AK8: variants seen among roughly 807,000 people sequenced by gnomAD.
AK8 encodes adenylate kinase 8.
Under a neutral mutation model 54.6 loss-of-function variants are expected in AK8, and 44 were observed. That is an observed-to-expected ratio of 0.81 (90% CI 0.63 to 1.04). The LOEUF is 1.04. AK8 is among the 50% of genes least tolerant of loss of function. AK8 has a pLI of 0.00. For synonymous variants in AK8, 239 were observed against 245.6 expected (o/e 0.97, Z 0.25); for missense variants, 555 against 613.6 (o/e 0.90, Z 1.01).
In AK8 at chr9:132,873,383, G is replaced by A. The variant is rs1015039065; in HGVS notation, c.169+1732C>T. 3.9e-5 allele frequency among the ~76,000 whole-genome samples: 6 copies of A among 152,128 alleles called. No individual in the cohort carries two copies. In the South Asian group the frequency reaches 6.2e-4, roughly 16 times the overall value. Reference sequence around the variant, plus strand: ...GCCAAAGAGAGCCACGATCTCTCACGTCTCTACATTTTAAGATGAGTGAGC... The same window carrying A: ...GCCAAAGAGAGCCACGATCTCTCACATCTCTACATTTTAAGATGAGTGAGC... On this transcript the variant is annotated intron_variant, in intron 2 of 12. Transcript: ENST00000298545.
chr9:132,815,325 G>A lies in AK8; in HGVS notation c.890-598C>T, dbSNP rs139565134. ...GTAATCCCAGCTTTTTGGCTGAGGC[G>A]GGCAGATCACTTAAGATCAGGAGTT... On this transcript the variant is annotated intron_variant, in intron 9 of 12. Coordinates refer to ENST00000298545, the MANE Select transcript of AK8 (RefSeq NM_152572.3). Among the ~76,000 whole-genome samples the A allele has an allele frequency of 4.2e-3, 640 of 152,258 alleles. 8 individuals are homozygous for A. The highest frequency in any genetic ancestry group is 0.014 in the African/African-American group (587 of 41,548).
At chr9:132,868,440 C>T (rs530781523) in intron 2 of AK8, among the ~76,000 whole-genome samples, 65 of 152,318 alleles carry the variant, frequency 4.3e-4, no homozygotes, top group African/African-American at 1.0e-3. Context: ...GTTCCCTCCA[C>T]GTTCCTGCCT....
At chr9:132,746,323 C>T (rs1837652269) in intron 11 of AK8, among the ~76,000 whole-genome samples, 1 of 152,190 alleles carries the variant, frequency 6.6e-6, no homozygotes, top group Admixed American at 6.5e-5. Context: ...TTTACTCCCA[C>T]TTTTGCGAGT....
At position 132,857,690 on chromosome 9, in the gene AK8, G is replaced by C. The variant is rs1481912410; in HGVS notation, c.334-2765C>G. Among the ~76,000 whole-genome samples, 3 of 152,320 alleles carry C rather than the reference G, an allele frequency of 2.0e-5. No homozygotes were observed. In the East Asian group the frequency reaches 5.8e-4, roughly 29 times the overall value. Reference sequence around the variant, plus strand: ...AGTGTTCAAACAGGTACAGGATGCAGAGAAGGGTGCCAACCAGGACGCAGG... The same window carrying C: ...AGTGTTCAAACAGGTACAGGATGCACAGAAGGGTGCCAACCAGGACGCAGG... On this transcript the variant is annotated intron_variant, in intron 4 of 12. Transcript: ENST00000298545.
chr9:132,856,455 T>C (rs2131390040), intron 4 of AK8, among the ~76,000 whole-genome samples: 1 of 152,262 alleles, frequency 6.6e-6, no homozygotes, highest in Middle Eastern at 3.4e-3. Context: ...TAATTTTCCA[T>C]ACACTCCACT....
At chr9:132,877,125 G>A (rs775206530) in intron 1 of AK8, among the ~76,000 whole-genome samples, 3 of 152,168 alleles carry the variant, frequency 2.0e-5, no homozygotes, top group African/African-American at 7.2e-5. Context: ...AAACACACCA[G>A]GTTCTCTAGA....
rs866212631 is a variant in AK8, at chr9:132,878,250, G to A, written c.6C>T (p.Asp2=). ...GGATACGGTGCGGGGCGATAGTGGC[G>A]TCCATGTAGCCGTCTCGGCTCGCCG... M[D]ATIAPHRIPP... Residue 2 remains aspartate, a synonymous_variant, in exon 1 of 13, where the codon GAC becomes GAT. Coordinates refer to ENST00000298545, the MANE Select transcript of AK8 (RefSeq NM_152572.3). This position sits in a 1 kb window ranked among gnomAD's most constrained non-coding sequence, Gnocchi z 4.7. The A allele has an allele frequency of 3.6e-6, 5 of 1,389,820 alleles. No homozygotes were observed. The Middle Eastern group carries it at 8.2e-4, about 227-fold the overall frequency. 86.1% of individuals were successfully genotyped at this position (1,389,820 alleles called of 1,614,324 possible).
chr9:132,841,452 A>C (rs1026050734), intron 5 of AK8, among the ~76,000 whole-genome samples: 1 of 152,218 alleles, frequency 6.6e-6, no homozygotes, highest in African/African-American at 2.4e-5. Flanking sequence ...ACATGAAAAC[A>C]TTTCTTTTTT....
chr9:132,742,208 T>C (rs1470635867), intron 11 of AK8, among the ~76,000 whole-genome samples: 1 of 151,332 alleles, frequency 6.6e-6, no homozygotes, highest in East Asian at 1.9e-4. Context: ...AGAGTCTCAT[T>C]CTGTTGCTCA....
intron 11 of AK8, among the ~76,000 whole-genome samples, chr9:132,775,572 G>C (rs1839176770): frequency 6.6e-6 from 1 of 152,146 alleles, no homozygotes; most frequent in Non-Finnish European, 1.5e-5. Context: ...GCCTCCCAAA[G>C]TGCTGGGATT....
At chr9:132,835,879 T>C (rs1842303924) in intron 5 of AK8, among the ~76,000 whole-genome samples, 1 of 152,036 alleles carries the variant, frequency 6.6e-6, no homozygotes, top group Non-Finnish European at 1.5e-5. Flanking sequence ...ATCCCAGCAC[T>C]TTGGGAGGCC....
chr9:132,877,854 TG>T, intron 1 of AK8: 1 of 607,136 alleles, frequency 1.6e-6, no homozygotes, highest in East Asian at 3.6e-5. Context: ...ATTTCACAGG[TG>T]GGGAAACCGA....
At chr9:132,842,736 C>T (rs73549185) in intron 5 of AK8, among the ~76,000 whole-genome samples, 205 of 152,332 alleles carry the variant, frequency 1.3e-3, no homozygotes, top group African/African-American at 3.7e-3. Flanking sequence ...AGGTGTTGAC[C>T]AGGCTGTGTT....
intron 10 of AK8, among the ~76,000 whole-genome samples, chr9:132,812,403 T>C (rs1025971285): frequency 6.6e-6 from 1 of 151,188 alleles, no homozygotes; most frequent in Non-Finnish European, 1.5e-5. Flanking sequence ...GCTAATTTTT[T>C]TTTTTTTGTA....
At chr9:132,844,898 A>G (rs1842688557) in intron 5 of AK8, among the ~76,000 whole-genome samples, 2 of 152,244 alleles carry the variant, frequency 1.3e-5, no homozygotes, top group African/African-American at 4.8e-5. Context: ...CTTTGAAACA[A>G]GAACAGTGGC....
chr9:132,728,719 C>A (rs1836688938), intron 11 of AK8, among the ~76,000 whole-genome samples: 1 of 152,006 alleles, frequency 6.6e-6, no homozygotes, highest in African/African-American at 2.4e-5. Context: ...GAGCCCTGGA[C>A]CCAAAGGAGC....
At chr9:132,746,958 T>C (rs972991723) in intron 11 of AK8, among the ~76,000 whole-genome samples, 15 of 152,230 alleles carry the variant, frequency 9.9e-5, no homozygotes, top group Admixed American at 6.5e-5. Context: ...CAAACTATCA[T>C]TCATCAAATA....
At chr9:132,823,509 G>A (rs764243282) in intron 8 of AK8, among the ~76,000 whole-genome samples, 173 bp from the exon 9 acceptor site, 5 of 152,194 alleles carry the variant, frequency 3.3e-5, no homozygotes, top group African/African-American at 4.8e-5. Context: ...TACGTGGCAG[G>A]CCTGGGCACC....
chr9:132,741,938 A>T (rs983908844), intron 11 of AK8, among the ~76,000 whole-genome samples: 3 of 152,162 alleles, frequency 2.0e-5, no homozygotes, highest in African/African-American at 4.8e-5. Context: ...GGACTTCACA[A>T]GATTGTCTTA....
Sources: gnomAD v4.1 joint callset for allele counts (sites outside exome capture counted in the v4.1 genomes callset) on GRCh38, gnomAD v4.1.1 for gene constraint, Gnocchi (gnomAD v3.1) non-coding constraint, MANE v1.5 for transcripts, NCBI Gene and HGNC (gene_info 2026-07-23, HGNC 2026-07-21) for gene names.